The following GLA variants were observed in gnomAD, a reference collection of about 807,000 sequenced individuals.
The protein encoded by GLA is galactosidase alpha.
GLA carries 4 observed loss-of-function variants against 28.2 expected under a neutral mutation model. That is an observed-to-expected ratio of 0.14 (90% CI 0.07 to 0.32). The LOEUF (loss-of-function observed/expected upper bound fraction) is 0.32. Ranked by LOEUF, GLA falls within the 10% of genes least tolerant of loss-of-function variation. The probability of loss-of-function intolerance (pLI) is 1.00; values close to 1 mark genes in which losing one functional copy is unlikely to be tolerated. For synonymous variants in GLA, 94 were observed against 113.0 expected, an observed-to-expected ratio of 0.83 and a Z score of 1.07; for missense variants, 203 against 323.7, an observed-to-expected ratio of 0.63 and a Z score of 2.86.
Position 101,400,652 on chromosome X carries a change from GCTCA to G in GLA, c.639+10_639+13del, listed in dbSNP as rs782473708. The stretch of plus-strand genomic sequence containing the variant: ...TCAGTACAGTTCTATTGGATTCTGG[GCTCA>G]CTATCTCACCTTTTGAAAGGGCCAC... On this transcript the variant is annotated intron_variant, in intron 4 of 6. Coordinates refer to ENST00000218516, the MANE Select transcript of GLA (RefSeq NM_000169.3). The G allele has an allele frequency of 1.9e-5, 19 of 980,600 alleles. No homozygotes were observed. The East Asian group carries it at 5.8e-4, about 30-fold the overall frequency. 80.8% of individuals were successfully genotyped at this position (980,600 alleles called of 1,213,427 possible). A position where few individuals can be genotyped will look rare whatever the true frequency, so the allele number is the denominator to read the frequency against.
rs1555984909 is a variant in GLA at position 101,398,323 on chromosome X, T to C, written c.999+47A>G. Reference sequence around the variant, plus strand: ...AATAGATTTAGGCCCAAGACAAAGTTGGTATTGGGTATATAAAGCCATCTT... The same window carrying C: ...AATAGATTTAGGCCCAAGACAAAGTCGGTATTGGGTATATAAAGCCATCTT... On this transcript the variant is annotated intron_variant, in intron 6 of 6. Coordinates refer to ENST00000218516, the MANE Select transcript of GLA (RefSeq NM_000169.3). 4 of 970,903 alleles carry C rather than the reference T, an allele frequency of 4.1e-6. No individual in the cohort carries two copies. In the East Asian group the frequency reaches 1.2e-4, roughly 30 times the overall value. 80.0% of individuals were successfully genotyped at this position (970,903 alleles called of 1,213,427 possible).
chrX:101,404,685 T>G (rs1928440938), intron 1 of GLA, among the ~76,000 whole-genome samples: 1 of 103,886 alleles, frequency 9.6e-6, no homozygotes, highest in Non-Finnish European at 1.9e-5. Context: ...TTCTTCTACC[T>G]CAGCCTCCCG....
rs782336447 is a variant in GLA at position 101,401,802 on chromosome X, C to A, written c.377G>T (p.Ser126Ile). 1 of 1,208,533 alleles carries A rather than the reference C, an allele frequency of 8.3e-7. No homozygotes were observed. Among genetic ancestry groups the A allele is most frequent in the South Asian group, 1.8e-5 (1 of 56,919 alleles). The change falls in exon 3 of 7, where the codon AGC becomes ATC. Residue 126 changes from serine (S) to isoleucine (I), a missense_variant. By Grantham distance (142) the Ser-to-Ile change is moderately radical. Around this residue, in one of 3 missense-constraint regions of GLA, gnomAD observed 162 missense variants for 246.8 expected, o/e 0.66. Transcript: ENST00000218516. ...ATAAATCCCTAGCTTCAGTCCTTTG[C>A]TGTGAACCTGAAATGAGAGGGAGGA... ...GIRQLANYVH[S>I]KGLKLGIYAD...
In GLA at chrX:101,401,442, G is replaced by A. The variant is rs41311559; in HGVS notation, c.547+190C>T. ...ATATTAGCTATGGTTAGGTATGCATGGATTTTACATGAATTAATTAATTAA... is the reference window on the plus strand; with the variant it reads ...ATATTAGCTATGGTTAGGTATGCATAGATTTTACATGAATTAATTAATTAA... On this transcript the variant is annotated intron_variant, in intron 3 of 6. Transcript: ENST00000218516. 0.039 allele frequency: 19,188 copies of A among 491,741 alleles called. 350 individuals carry two copies. Among genetic ancestry groups the A allele is most frequent in the Non-Finnish European group, 0.05 (13,675 of 274,680 alleles). 40.5% of individuals were successfully genotyped at this position (491,741 alleles called of 1,213,427 possible).
At position 101,403,883 on chromosome X, in the gene GLA, T is replaced by C. The variant is rs953560993; in HGVS notation, c.297A>G (p.Gln99=). ...CCTGAAGTCTGCCTTCTGAATCTCT[T>C]TGGGGAGCCATCCAACAGTCATCAA... The part of the protein sequence containing the change: ...LCIDDCWMAP[Q]RDSEGRLQAD... Residue 99 remains glutamine, a synonymous_variant, in exon 2 of 7, where the codon CAA becomes CAG. Transcript: ENST00000218516. 3 of 1,209,877 alleles carry C rather than the reference T, an allele frequency of 2.5e-6. No homozygotes were observed. The highest frequency in any genetic ancestry group is 3.4e-6 in the Non-Finnish European group (3 of 894,447).
Position 101,398,451 on chromosome X carries a change from T to C in GLA, c.918A>G (p.Gln306=). Residue 306 remains glutamine (Q), a synonymous_variant, in exon 6 of 7, where the codon CAA becomes CAG. Coordinates refer to ENST00000218516, the MANE Select transcript of GLA (RefSeq NM_000169.3). Reference sequence around the variant, plus strand: ...CCTTATCCTGAAGGAGAGCTTTGGCTTGAGGGCTGATGTGTCGGAGGTCAT... The same window carrying C: ...CCTTATCCTGAAGGAGAGCTTTGGCCTGAGGGCTGATGTGTCGGAGGTCAT... ...MSNDLRHISP[Q]AKALLQDKDV... 1 of 1,208,853 alleles carries C rather than the reference T, an allele frequency of 8.3e-7. No homozygotes were observed. The highest frequency in any genetic ancestry group is 1.1e-6 in the Non-Finnish European group (1 of 892,906).
chrX:101,404,041 T>G, intron 1 of GLA, 56 bp from the exon 2 acceptor site: 387 of 985,451 alleles, frequency 3.9e-4, no homozygotes, highest in Non-Finnish European at 5.1e-4. Flanking sequence ...CTTAGGTACC[T>G]CCCATTTATT....
chrX:101,400,890 C>A, intron 3 of GLA, 133 bp from the exon 4 acceptor site: 1 of 357,715 alleles, frequency 2.8e-6, no homozygotes, highest in East Asian at 4.8e-5. Flanking sequence ...GGGTGGAGTG[C>A]AGTGGTGCGA....
chrX:101,405,323 T>C (rs1199370938), intron 1 of GLA, among the ~76,000 whole-genome samples: 1 of 111,015 alleles, frequency 9.0e-6, no homozygotes, highest in Non-Finnish European at 1.9e-5. Context: ...ATTAATGGAA[T>C]TAAACAAAGT....
chrX:101,398,342 C>T (rs142240841), intron 6 of GLA, 28 bp downstream of exon 6: 2 of 1,106,139 alleles, frequency 1.8e-6, no homozygotes, highest in East Asian at 6.0e-5. Context: ...GTATATAAAG[C>T]CATCTTAAAA....
chrX:101,406,137 A>G (rs1319832941), intron 1 of GLA, among the ~76,000 whole-genome samples: 2 of 93,708 alleles, frequency 2.1e-5, no homozygotes, highest in Non-Finnish European at 4.2e-5. Flanking sequence ...GCGTGAACCC[A>G]GGAGGCGGAG....
chrX:101,398,245 G>A lies in GLA; in HGVS notation c.999+125C>T. ...AGCATTATTTTGGAAATAAAGTAAT[G>A]TTTCTAGCAAGAAGCTTTATTACTG... On this transcript the variant is annotated intron_variant, in intron 6 of 6. Coordinates refer to ENST00000218516, the MANE Select transcript of GLA (RefSeq NM_000169.3). 3 of 771,180 alleles carry A rather than the reference G, an allele frequency of 3.9e-6. No individual in the cohort carries two copies. In the South Asian group the frequency reaches 6.5e-5, roughly 17 times the overall value. 63.6% of individuals were successfully genotyped at this position (771,180 alleles called of 1,213,427 possible).
At chrX:101,404,605 T>C (rs1928436625) in intron 1 of GLA, among the ~76,000 whole-genome samples, 1 of 95,163 alleles carries the variant, frequency 1.1e-5, no homozygotes, top group South Asian at 5.2e-4. Context: ...AGTCTCCCTC[T>C]GTCACCCAGG....
At chrX:101,401,883 C>G in intron 2 of GLA, 74 bp from the exon 3 acceptor site, 3 of 981,347 alleles carry the variant, frequency 3.1e-6, no homozygotes, top group Non-Finnish European at 4.3e-6. Flanking sequence ...GAGAACCATT[C>G]CAGGCTGGGG....
Position 101,407,910 on chromosome X carries a change from G to C in GLA, c.-7C>G. The C allele has an allele frequency of 8.3e-7, 1 of 1,205,591 alleles. No individual in the cohort carries two copies. The highest frequency in any genetic ancestry group is 1.1e-6 in the Non-Finnish European group (1 of 890,084). Reference sequence around the variant, plus strand: ...CTGGGTTCCTCAGCTGCATTGTCACGGTGACCGGACAGCATAAATTTCCGC... The same window carrying C: ...CTGGGTTCCTCAGCTGCATTGTCACCGTGACCGGACAGCATAAATTTCCGC... On this transcript the variant is annotated 5_prime_UTR_variant, in exon 1 of 7. Coordinates refer to ENST00000218516, the MANE Select transcript of GLA (RefSeq NM_000169.3).
Position 101,403,796 on chromosome X carries a change from T to C in GLA, c.369+15A>G, listed in dbSNP as rs782488441. ...CAGTCCTCTGAATGAACAAGAACATTATCTATAAACTCACATAATTAGCTA... is the reference window on the plus strand; with the variant it reads ...CAGTCCTCTGAATGAACAAGAACATCATCTATAAACTCACATAATTAGCTA... On this transcript the variant is annotated intron_variant, in intron 2 of 6. Coordinates refer to ENST00000218516, the MANE Select transcript of GLA (RefSeq NM_000169.3). 8 of 1,198,990 alleles carry C rather than the reference T, an allele frequency of 6.7e-6. No homozygotes were observed. In the East Asian group the frequency reaches 2.4e-4, roughly 36 times the overall value.
chrX:101,405,226 A>C (rs1555986539), intron 1 of GLA, among the ~76,000 whole-genome samples: 1 of 100,178 alleles, frequency 1.0e-5, no homozygotes, highest in African/African-American at 3.8e-5. Context: ...ACAAGAGCGA[A>C]ACTCCAGCTC....
rs782442966 is a variant in GLA at position 101,407,891 on chromosome X, T to C, written c.13A>G (p.Asn5Asp). Residue 5 changes from asparagine to aspartate, a missense_variant, in exon 1 of 7, where the codon AAC becomes GAC. Around this residue, in one of 3 missense-constraint regions of GLA, gnomAD observed 30 missense variants for 32.2 expected, o/e 0.93. Coordinates refer to ENST00000218516, the MANE Select transcript of GLA (RefSeq NM_000169.3). MQLR[N>D]PELHLGCALA... ...GCGCAGCCCAGATGTAGTTCTGGGT[T>C]CCTCAGCTGCATTGTCACGGTGACC... is the stretch of plus-strand genomic sequence containing the variant. The C allele has an allele frequency of 2.5e-6, 3 of 1,210,442 alleles. No individual in the cohort carries two copies. The highest frequency in any genetic ancestry group is 3.4e-6 in the Non-Finnish European group (3 of 894,292).
intron 4 of GLA, 109 bp from the exon 5 acceptor site, chrX:101,399,055 C>T (rs967344343): frequency 1.2e-4 from 83 of 692,282 alleles, no homozygotes; most frequent in Admixed American, 5.5e-4. Flanking sequence ...ACAGATTGAA[C>T]GTCTCCATAA....
Sources: gnomAD v4.1 joint callset for allele counts (sites outside exome capture counted in the v4.1 genomes callset) on GRCh38, gnomAD v4.1.1 for gene constraint, gnomAD v4.1.1 regional missense constraint, MANE v1.5 for transcripts, NCBI Gene and HGNC (gene_info 2026-07-23, HGNC 2026-07-21) for gene names.